Variants in ZNF362 observed in about 807,000 individuals in gnomAD.
ZNF362 encodes the protein zinc finger protein 362.
Under a neutral mutation model 42.9 loss-of-function variants are expected in ZNF362, and 11 were observed. The ratio of observed to expected loss-of-function variants is 0.26; its 90% CI spans 0.16 to 0.42. ZNF362 has a LOEUF of 0.42. Among genes scored for constraint, ZNF362 ranks in the 20% least tolerant of loss-of-function variants. The pLI is 1.00. For missense variants in ZNF362, 362 were observed against 576.2 expected (o/e 0.63, Z 3.81); for synonymous variants, 255 against 257.3 (o/e 0.99, Z 0.09).
At chr1:33,176,413 C>A in the ZNF362 span, 1 of 697,022 alleles carries the variant, frequency 1.4e-6, no homozygotes, top group Non-Finnish European at 2.6e-6. Flanking sequence ...CCTACCAGGG[C>A]TTGCGTCCAA....
At chr1:33,189,743 A>T in the ZNF362 span, among the ~76,000 whole-genome samples, 8 of 144,276 alleles carry the variant, frequency 5.5e-5, no homozygotes, top group Non-Finnish European at 1.1e-4. Context: ...ACATATATAT[A>T]TATACACATA....
intron 6 of ZNF362, among the ~76,000 whole-genome samples, chr1:33,284,263 C>T (rs1436983291): frequency 1.3e-5 from 2 of 152,204 alleles, no homozygotes; most frequent in African/African-American, 4.8e-5. Flanking sequence ...AGGCCTCATT[C>T]CCACTTTTGA....
chr1:33,182,835 T>C, the ZNF362 span, among the ~76,000 whole-genome samples: 14 of 151,254 alleles, frequency 9.3e-5, no homozygotes, highest in Non-Finnish European at 2.1e-4. Flanking sequence ...AGAAGGAGCC[T>C]GGGTGGGCTG....
chr1:33,189,082 C>T, the ZNF362 span, among the ~76,000 whole-genome samples: 5 of 152,212 alleles, frequency 3.3e-5, no homozygotes, highest in Admixed American at 2.0e-4. Flanking sequence ...CTCAATGCAC[C>T]GCCTAAAGTT....
the ZNF362 span, among the ~76,000 whole-genome samples, chr1:33,233,304 A>G: frequency 6.6e-6 from 1 of 152,116 alleles, no homozygotes; most frequent in South Asian, 2.1e-4. Context: ...GCATTGTCAC[A>G]TGCTCTCAGA....
the ZNF362 span, among the ~76,000 whole-genome samples, chr1:33,127,783 C>A: frequency 2.7e-4 from 41 of 152,316 alleles, no homozygotes; most frequent in African/African-American, 9.6e-4. Context: ...TGAAATAATT[C>A]TTGATCTCTA....
rs181277834 is a variant in ZNF362, at chr1:33,266,714, A to C, written c.-88-3773A>C. Among the ~76,000 whole-genome samples the C allele has an allele frequency of 7.3e-4, 111 of 152,214 alleles. 1 individual carries two copies. The East Asian group carries it at 0.018, about 24-fold the overall frequency. Reference sequence around the variant, plus strand: ...GTGGTGCCAGCTGAGCAGAGTTTTGAGGGCAGGGTTCCAGCTGGGTGGTAT... The same window carrying C: ...GTGGTGCCAGCTGAGCAGAGTTTTGCGGGCAGGGTTCCAGCTGGGTGGTAT... On this transcript the variant is annotated intron_variant, in intron 1 of 8. Coordinates refer to ENST00000539719, the MANE Select transcript of ZNF362 (RefSeq NM_152493.3). This position sits in a 1 kb window ranked among gnomAD's most constrained non-coding sequence, Gnocchi z 4.3.
the ZNF362 span, chr1:33,200,471 T>C: frequency 2.6e-5 from 4 of 152,114 alleles, no homozygotes; most frequent in East Asian, 7.7e-4. Context: ...TACATTAATG[T>C]AAAAGATTTA....
the ZNF362 span, among the ~76,000 whole-genome samples, chr1:33,139,506 G>C: frequency 2.1e-4 from 32 of 152,298 alleles, no homozygotes; most frequent in Non-Finnish European, 4.0e-4. Flanking sequence ...AGCCTGCCTT[G>C]AGTGGGACAT....
chr1:33,161,811 G>A, the ZNF362 span, among the ~76,000 whole-genome samples: 1 of 152,078 alleles, frequency 6.6e-6, no homozygotes, highest in Admixed American at 6.5e-5. The surrounding 1 kb of genome is among the most constrained non-coding windows in gnomAD (Gnocchi z 4.3). Context: ...TAGCCCACTC[G>A]CCACCCTCTC....
intron 6 of ZNF362, among the ~76,000 whole-genome samples, chr1:33,285,967 G>T (rs1449023207): frequency 1.3e-5 from 2 of 152,120 alleles, no homozygotes; most frequent in African/African-American, 4.8e-5. Context: ...GGAGGCCAAG[G>T]CAGGAGAATC....
the ZNF362 span, among the ~76,000 whole-genome samples, chr1:33,153,181 C>T: frequency 6.6e-6 from 1 of 152,164 alleles, no homozygotes; most frequent in African/African-American, 2.4e-5. Context: ...GGCTAGGTCC[C>T]TGGGGGCACC....
In ZNF362 at chr1:33,280,589, G is replaced by A; in HGVS notation, c.683+132G>A. On this transcript the variant is annotated intron_variant, in intron 5 of 8. Coordinates refer to ENST00000539719, the MANE Select transcript of ZNF362 (RefSeq NM_152493.3). This position sits in a 1 kb window ranked among gnomAD's most constrained non-coding sequence, Gnocchi z 5.6. ...AGGGGCAGGGCTAGGGTCCAGAGGG[G>A]CGGGGCCTTCTGGAGAGCCCCACCC... 1 of 1,427,084 alleles carries A rather than the reference G, an allele frequency of 7.0e-7. No homozygotes were observed. Among genetic ancestry groups the A allele is most frequent in the East Asian group, 2.5e-5 (1 of 39,654 alleles). The allele number at this position is 1,427,084 out of a possible 1,614,324, so 88.4% of individuals were successfully genotyped here.
chr1:33,149,877 C>T, the ZNF362 span, among the ~76,000 whole-genome samples: 1 of 152,214 alleles, frequency 6.6e-6, no homozygotes, highest in Admixed American at 6.5e-5. Context: ...TCTAATGGGG[C>T]TCTCCCTTGT....
intron 1 of ZNF362, among the ~76,000 whole-genome samples, chr1:33,264,861 T>C (rs918689724): frequency 8.6e-5 from 13 of 151,982 alleles, no homozygotes; most frequent in African/African-American, 1.9e-4. Context: ...GGGACTGAAA[T>C]TGAGAAAGGA....
the ZNF362 span, among the ~76,000 whole-genome samples, chr1:33,160,616 G>C: frequency 1.3e-5 from 2 of 152,050 alleles, no homozygotes; most frequent in African/African-American, 2.4e-5. Context: ...TGTTGGCCAG[G>C]CTGGTCTCAA....
At chr1:33,201,217 A>T in the ZNF362 span, among the ~76,000 whole-genome samples, 62 of 152,350 alleles carry the variant, frequency 4.1e-4, 2 homozygotes, top group Admixed American at 1.4e-3. Context: ...ACACCCTTCT[A>T]TTAGAAGTTG....
chr1:33,169,305 G>C, the ZNF362 span, among the ~76,000 whole-genome samples: 1 of 152,174 alleles, frequency 6.6e-6, no homozygotes, highest in Non-Finnish European at 1.5e-5. Flanking sequence ...CTCGGAGTGA[G>C]AGTCATCCTT....
At chr1:33,181,490 C>A in the ZNF362 span, 1 of 1,511,818 alleles carries the variant, frequency 6.6e-7, no homozygotes, top group South Asian at 1.3e-5. The surrounding 1 kb of genome is among the most constrained non-coding windows in gnomAD (Gnocchi z 6.5). Context: ...TGAGAGAGCG[C>A]GGCGCTGTCG....
Sources: allele counts gnomAD v4.1 joint callset (sites outside exome capture counted in the v4.1 genomes callset), GRCh38; gene constraint gnomAD v4.1.1; non-coding constraint Gnocchi (gnomAD v3.1); transcripts MANE v1.5; gene names NCBI Gene and HGNC (gene_info 2026-07-23, HGNC 2026-07-21).